CENPF: variants seen among roughly 807,000 people sequenced by gnomAD.
The protein encoded by CENPF is centromere protein F, also known as AH antigen.
A neutral mutation model predicts 307.3 loss-of-function variants in CENPF; 214 were observed. That is an observed-to-expected ratio of 0.70 (90% CI 0.62 to 0.78). The LOEUF is 0.78. Ranked by LOEUF, CENPF falls within the 30% of genes least tolerant of loss-of-function variation. The probability of loss-of-function intolerance (pLI) is 0.00; values close to 1 mark genes in which losing one functional copy is unlikely to be tolerated. For missense variants in CENPF, 3,401 were observed against 3,483.9 expected, an observed-to-expected ratio of 0.98 and a Z score of 0.60; for synonymous variants, 1,259 against 1,270.6, an observed-to-expected ratio of 0.99 and a Z score of 0.19.
chr1:214,654,553 G>A (rs1448858987), intron 16 of CENPF: 3 of 152,052 alleles, frequency 2.0e-5, no homozygotes, highest in Admixed American at 2.0e-4. Flanking sequence ...GGTGACAGAG[G>A]GAGATCCTGT....
chr1:214,627,672 G>A (rs542889536), intron 7 of CENPF, among the ~76,000 whole-genome samples: 44 of 151,732 alleles, frequency 2.9e-4, no homozygotes, highest in Non-Finnish European at 6.2e-4. Context: ...CACTGCACCC[G>A]GCCCCTCCAG....
Position 214,652,829 on chromosome 1 carries a change from A to G in CENPF, c.8162A>G (p.Tyr2721Cys), listed in dbSNP as rs1458509440. Residue 2721 changes from tyrosine (Y) to cysteine (C), a missense_variant and splice_region_variant, in exon 16 of 20, where the codon TAT becomes TGT. Physicochemically the swap from Tyr to Cys is radical, Grantham distance 194 (BLOSUM62 -2). Transcript: ENST00000366955. ...TTTTTTTTGTTTGTTTTGCTCTAGT[A>G]TGAAGTAGAAATCCAGACATACCGA... ...QALLLDTNKQYEVEIQTYREK... is the reference protein window; with the variant it reads ...QALLLDTNKQCEVEIQTYREK... 3.8e-6 allele frequency: 6 copies of G among 1,577,342 alleles called. No individual in the cohort carries two copies. Among genetic ancestry groups the G allele is most frequent in the Non-Finnish European group, 4.3e-6 (5 of 1,168,852 alleles).
intron 3 of CENPF, among the ~76,000 whole-genome samples, chr1:214,615,501 T>C (rs1038200975): frequency 6.6e-6 from 1 of 152,202 alleles, no homozygotes; most frequent in African/African-American, 2.4e-5. Context: ...GGCTCGTGTT[T>C]TCTCTGGGTG....
Position 214,618,569 on chromosome 1 carries a change from A to G in CENPF, c.360-4A>G. 6.2e-7 allele frequency: 1 copy of G among 1,613,226 alleles called. No individual in the cohort carries two copies. Among genetic ancestry groups the G allele is most frequent in the South Asian group, 1.1e-5 (1 of 90,838 alleles). ...TGTCTGCCTCTTGGGTCCTTTTCTAACAGGTGTAAATCTGAGCTTGAAAGA... is the reference window on the plus strand; with the variant it reads ...TGTCTGCCTCTTGGGTCCTTTTCTAGCAGGTGTAAATCTGAGCTTGAAAGA... On this transcript the variant is annotated splice_region_variant and splice_polypyrimidine_tract_variant and intron_variant, in intron 3 of 19. Transcript: ENST00000366955.
chr1:214,652,267 T>C (rs335528), intron 15 of CENPF, among the ~76,000 whole-genome samples: 123,752 of 151,086 alleles, frequency 0.82, 52,579 homozygotes, highest in East Asian at 0.96. Flanking sequence ...GATCTCCTGA[T>C]CTTGTGATCT....
intron 1 of CENPF, chr1:214,608,834 C>T (rs895258441): frequency 6.6e-5 from 105 of 1,585,320 alleles, no homozygotes; most frequent in Non-Finnish European, 8.0e-5. Context: ...AGCGACAGCC[C>T]GTTCATGGCG....
At chr1:214,608,016 G>C (rs550528480) in intron 1 of CENPF, among the ~76,000 whole-genome samples, 28 of 152,218 alleles carry the variant, frequency 1.8e-4, no homozygotes, top group African/African-American at 6.3e-4. Context: ...CTCCCGCCGG[G>C]TGGCATCCAC....
At chr1:214,611,833 A>T (rs912468320) in intron 1 of CENPF, among the ~76,000 whole-genome samples, 1 of 152,200 alleles carries the variant, frequency 6.6e-6, no homozygotes, top group Admixed American at 6.5e-5. Context: ...TGATTTTCGT[A>T]TCCTGAGAGT....
At chr1:214,650,169 A>G (rs574427186) in intron 14 of CENPF, among the ~76,000 whole-genome samples, 1 of 152,178 alleles carries the variant, frequency 6.6e-6, no homozygotes, top group African/African-American at 2.4e-5. Context: ...CACTTGCAAG[A>G]TGACGAGTCA....
intron 3 of CENPF, among the ~76,000 whole-genome samples, chr1:214,616,828 TTCCTTCC>T (rs1254695449): frequency 2.7e-4 from 41 of 150,346 alleles, no homozygotes; most frequent in African/African-American, 9.4e-4. Flanking sequence ...CCTTCTTTCC[TTCCTTCC>T]TCTTTCTTTC....
chr1:214,662,762 A>G (rs1658820079), intron 19 of CENPF, among the ~76,000 whole-genome samples: 1 of 151,424 alleles, frequency 6.6e-6, no homozygotes, highest in Admixed American at 6.6e-5. Context: ...TTGACCGTGT[A>G]TCTTTTTTCA....
Position 214,645,070 on chromosome 1 carries a change from G to A in CENPF, c.5500G>A (p.Glu1834Lys), listed in dbSNP as rs143876429. 8 of 1,613,338 alleles carry A rather than the reference G, an allele frequency of 5.0e-6. No homozygotes were observed. ...ACIELEKIVG[E>K]LKKENSDLSE... ...CATAGAATTGGAAAAAATAGTTGGG[G>A]AACTTAAGAAAGAAAACTCAGATTT... The change falls in exon 13 of 20, where the codon GAA becomes AAA. Residue 1834 changes from glutamate to lysine, a missense_variant. Glu to Lys is a moderately conservative substitution (Grantham distance 56). Coordinates refer to ENST00000366955, the MANE Select transcript of CENPF (RefSeq NM_016343.4).
rs1253117697 is a variant in CENPF, at chr1:214,646,505, C to T, written c.6935C>T (p.Ala2312Val). ...GAAAAGCTGAGAGCCCGCCTAGAAG[C>T]TGATGAAAAGAAGCAGCTCTGTGTC... Reference protein sequence around the residue: ...SIEKLRARLEADEKKQLCVLQ... With the variant: ...SIEKLRARLEVDEKKQLCVLQ... The change falls in exon 13 of 20, where the codon GCT becomes GTT. Residue 2312 changes from alanine to valine, a missense_variant. Transcript: ENST00000366955. 6.2e-7 allele frequency: 1 copy of T among 1,614,090 alleles called. No individual in the cohort carries two copies.
intron 1 of CENPF, among the ~76,000 whole-genome samples, chr1:214,612,377 A>G (rs181488114): frequency 3.3e-5 from 5 of 152,270 alleles, no homozygotes. Context: ...GTTTGCAAGT[A>G]TATTTTTGAG....
intron 3 of CENPF, among the ~76,000 whole-genome samples, chr1:214,616,857 CTTTCTTTCTTTCT>C (rs1657359320): frequency 3.5e-5 from 1 of 28,298 alleles, no homozygotes; most frequent in African/African-American, 1.2e-4. Flanking sequence ...TTCTTTCTTT[CTTTCTTTCTTTCT>C]TTCTTTCTTT....
chr1:214,651,972 A>G, intron 15 of CENPF, 86 bp downstream of exon 15: 2 of 1,225,718 alleles, frequency 1.6e-6, no homozygotes, highest in South Asian at 1.8e-5. Flanking sequence ...AAAAAAATCA[A>G]TATTCTGGGT....
intron 12 of CENPF, among the ~76,000 whole-genome samples, chr1:214,643,835 A>G (rs1259796126): frequency 6.6e-6 from 1 of 152,248 alleles, no homozygotes; most frequent in Non-Finnish European, 1.5e-5. Context: ...ATGATTTGGT[A>G]TAAGTCATTT....
intron 12 of CENPF, 28 bp from the exon 13 acceptor site, chr1:214,644,529 G>T (rs929194640): frequency 3.9e-6 from 6 of 1,521,064 alleles, no homozygotes; most frequent in Non-Finnish European, 5.3e-6. Flanking sequence ...AAAATAAAAT[G>T]CATGCTTGTT....
chr1:214,605,897 A>C, intron 1 of CENPF: 3 of 1,597,250 alleles, frequency 1.9e-6, no homozygotes, highest in Non-Finnish European at 2.5e-6. Flanking sequence ...CACCTTCTCG[A>C]TGTTAGGGAA....
Sources: allele counts gnomAD v4.1 joint callset (sites outside exome capture counted in the v4.1 genomes callset), GRCh38; gene constraint gnomAD v4.1.1; transcripts MANE v1.5; gene names NCBI Gene and HGNC (gene_info 2026-07-23, HGNC 2026-07-21).